TNN: variants seen among roughly 807,000 people sequenced by gnomAD.
The protein encoded by TNN is tenascin-N.
Under a neutral mutation model 134.4 loss-of-function variants are expected in TNN, and 122 were observed. That is an observed-to-expected ratio of 0.91 (90% CI 0.78 to 1.06). The LOEUF (loss-of-function observed/expected upper bound fraction) is 1.06. TNN is among the 50% of genes least tolerant of loss of function. The probability of loss-of-function intolerance (pLI) is 0.00; values close to 1 mark genes in which losing one functional copy is unlikely to be tolerated. For synonymous variants in TNN, 710 were observed against 670.3 expected, an observed-to-expected ratio of 1.06 and a Z score of -0.91; for missense variants, 1,739 against 1,699.4, an observed-to-expected ratio of 1.02 and a Z score of -0.41.
intron 15 of TNN, 112 bp downstream of exon 15, chr1:175,128,858 T>C (rs1309120421): frequency 1.2e-5 from 14 of 1,195,388 alleles, no homozygotes; most frequent in African/African-American, 7.9e-5. Flanking sequence ...TCTCCACCCA[T>C]GGAAGAGAGG....
chr1:175,114,064 T>A (rs1233886626), intron 9 of TNN, among the ~76,000 whole-genome samples: 2 of 152,240 alleles, frequency 1.3e-5, no homozygotes, highest in African/African-American at 4.8e-5. Flanking sequence ...TTCTTTTTAA[T>A]TGGGGTCTGT....
In TNN at chr1:175,067,904, A is replaced by G. The variant is rs771003018; in HGVS notation, c.-67A>G. ...GAGGAGACCGGCTCACAGGAGCAGC[A>G]GCATTGGAAGAGGCACCCAGCAGCC... is the stretch of plus-strand genomic sequence containing the variant. On this transcript the variant is annotated 5_prime_UTR_variant, in exon 1 of 19. Transcript: ENST00000239462. 2.0e-6 allele frequency: 1 copy of G among 493,910 alleles called. No homozygotes were observed. The highest frequency in any genetic ancestry group is 4.0e-6 in the Non-Finnish European group (1 of 248,050). The allele number at this position is 493,910 out of a possible 1,614,324, so 30.6% of individuals were successfully genotyped here.
At chr1:175,082,359 G>A (rs1388173928) in intron 4 of TNN, among the ~76,000 whole-genome samples, 2 of 152,264 alleles carry the variant, frequency 1.3e-5, no homozygotes, top group East Asian at 3.9e-4. Context: ...CTCCTCAGGG[G>A]AGCCTAAGAC....
chr1:175,083,602 GAC>G (rs1674251106), intron 4 of TNN, 146 bp from the exon 5 acceptor site: 1 of 666,732 alleles, frequency 1.5e-6, no homozygotes, highest in African/African-American at 1.8e-5. Context: ...GTAGCTCAAA[GAC>G]ACCTGCTAAG....
At position 175,079,590 on chromosome 1, in the gene TNN, T is replaced by G; in HGVS notation, c.667T>G (p.Phe223Val). 6.3e-7 allele frequency: 1 copy of G among 1,593,056 alleles called. No individual in the cohort carries two copies. Among genetic ancestry groups the G allele is most frequent in the Non-Finnish European group, 8.5e-7 (1 of 1,171,270 alleles). Residue 223 changes from phenylalanine to valine, a missense_variant, in exon 3 of 19, where the codon TTC becomes GTC. Physicochemically the swap from Phe to Val is conservative, Grantham distance 50 (BLOSUM62 -1). Coordinates refer to ENST00000239462, the MANE Select transcript of TNN (RefSeq NM_022093.2). Reference protein sequence around the residue: ...VRGVCQCHEDFMSEDCSEKRC... With the variant: ...VRGVCQCHEDVMSEDCSEKRC... ...CGGCGTGTGCCAGTGCCACGAAGAC[T>G]TCATGTCGGAGGACTGCAGCGAGAA...
At chr1:175,135,453 A>G (rs568049048) in intron 15 of TNN, among the ~76,000 whole-genome samples, 3 of 152,368 alleles carry the variant, frequency 2.0e-5, no homozygotes, top group South Asian at 2.1e-4. Context: ...AAAAGGGGAA[A>G]AAAGATGCCA....
chr1:175,141,128 A>AT (rs1234305701), intron 17 of TNN, among the ~76,000 whole-genome samples: 2 of 152,262 alleles, frequency 1.3e-5, no homozygotes, highest in East Asian at 3.9e-4. Flanking sequence ...CAGAAAGTCC[A>AT]TTTTCCCTTC....
At chr1:175,115,018 G>A (rs1347703896) in intron 9 of TNN, among the ~76,000 whole-genome samples, 2 of 152,090 alleles carry the variant, frequency 1.3e-5, no homozygotes, top group Admixed American at 1.3e-4. Flanking sequence ...TACTCCCTGG[G>A]AGAAGAGTGT....
At chr1:175,101,026 T>C (rs563402259) in intron 9 of TNN, among the ~76,000 whole-genome samples, 33 of 152,358 alleles carry the variant, frequency 2.2e-4, no homozygotes, top group African/African-American at 7.9e-4. Flanking sequence ...AAATCTTCTC[T>C]TCTAGCTATT....
rs771736229 is a variant in TNN, at chr1:175,067,894, C to T, written c.-77C>T. 49 of 497,338 alleles carry T rather than the reference C, an allele frequency of 9.9e-5. No individual in the cohort carries two copies. The highest frequency in any genetic ancestry group is 1.8e-4 in the Non-Finnish European group (45 of 249,796). 30.8% of individuals were successfully genotyped at this position (497,338 alleles called of 1,614,324 possible). A position where few individuals can be genotyped will look rare whatever the true frequency, so the allele number is the denominator to read the frequency against. ...TCTGCGGCAGGAGGAGACCGGCTCACAGGAGCAGCAGCATTGGAAGAGGCA... is the reference window on the plus strand; with the variant it reads ...TCTGCGGCAGGAGGAGACCGGCTCATAGGAGCAGCAGCATTGGAAGAGGCA... On this transcript the variant is annotated 5_prime_UTR_variant, in exon 1 of 19. Transcript: ENST00000239462.
chr1:175,144,273 A>G (rs1676007686), intron 17 of TNN, 114 bp from the exon 18 acceptor site: 1 of 965,504 alleles, frequency 1.0e-6, no homozygotes, highest in African/African-American at 1.6e-5. Context: ...CTGTGACATG[A>G]CTGGCTGCAT....
At chr1:175,116,123 C>A (rs1675159453) in intron 9 of TNN, among the ~76,000 whole-genome samples, 1 of 152,070 alleles carries the variant, frequency 6.6e-6, no homozygotes, top group Non-Finnish European at 1.5e-5. Context: ...TTCTAACTGG[C>A]CATCTTGCTG....
At position 175,117,071 on chromosome 1, in the gene TNN, G is replaced by C. The variant is rs1675203256; in HGVS notation, c.2252G>C (p.Arg751Thr). Residue 751 changes from arginine (R) to threonine (T), a missense_variant, in exon 10 of 19, where the codon AGG (arginine) becomes ACG (threonine). Coordinates refer to ENST00000239462, the MANE Select transcript of TNN (RefSeq NM_022093.2). ...ACCTCTGCCAAGGACGGAGAGACCA[G>C]GGAGGTTCCGGTGGGGAAGGAGCAG... is the stretch of plus-strand genomic sequence containing the variant. ...RYTSAKDGET[R>T]EVPVGKEQSS... The C allele has an allele frequency of 6.2e-7, 1 of 1,614,140 alleles. No individual in the cohort carries two copies. Among genetic ancestry groups the C allele is most frequent in the Non-Finnish European group, 8.5e-7 (1 of 1,180,054 alleles).
chr1:175,104,248 G>A (rs1674798206), intron 9 of TNN, among the ~76,000 whole-genome samples: 1 of 145,540 alleles, frequency 6.9e-6, no homozygotes, highest in African/African-American at 2.5e-5. Flanking sequence ...CAGTATCCAG[G>A]AGGAAGTCAA....
intron 4 of TNN, among the ~76,000 whole-genome samples, chr1:175,082,285 A>C (rs1216775048): frequency 6.6e-6 from 1 of 152,206 alleles, no homozygotes; most frequent in African/African-American, 2.4e-5. Flanking sequence ...GATTTGTAAA[A>C]TTCTGCAAGT....
intron 2 of TNN, among the ~76,000 whole-genome samples, chr1:175,078,235 T>C (rs961349942): frequency 9.2e-5 from 14 of 152,166 alleles, no homozygotes; most frequent in African/African-American, 3.4e-4. Flanking sequence ...TGACTTTGGG[T>C]AAATCCCTTA....
chr1:175,112,598 CTTTTTTTTTTTTTTTTTTTTTTT>C (rs767531767), intron 9 of TNN, among the ~76,000 whole-genome samples: 45 of 21,990 alleles, frequency 2.0e-3, no homozygotes, highest in African/African-American at 3.2e-3. Context: ...GCCGGCCGAT[CTTTTTTTTTTTTTTTTTTTTTTT>C]TTTTTTTTTT....
rs59814606 is a variant in TNN at position 175,124,687 on chromosome 1, G to GCAAA, written c.2914+1050_2914+1053dup. On this transcript the variant is annotated intron_variant, in intron 12 of 18. Coordinates refer to ENST00000239462, the MANE Select transcript of TNN (RefSeq NM_022093.2). ...CAAAGAGCGAGACTCCATCTCAAAA[G>GCAAA]CAAACAAACAAACAAACAAACAAAC... 1.1e-3 allele frequency among the ~76,000 whole-genome samples: 173 copies of GCAAA among 150,996 alleles called. 1 individual carries two copies. The highest frequency in any genetic ancestry group is 6.9e-3 in the Middle Eastern group (2 of 290).
At chr1:175,098,656 T>G in intron 9 of TNN, 61 bp downstream of exon 9, 1 of 1,606,260 alleles carries the variant, frequency 6.2e-7, no homozygotes, top group Non-Finnish European at 8.5e-7. Context: ...ACATGGGGTT[T>G]TCTTCTCTGA....
Sources: gnomAD v4.1 joint callset for allele counts (sites outside exome capture counted in the v4.1 genomes callset) on GRCh38, gnomAD v4.1.1 for gene constraint, MANE v1.5 for transcripts, NCBI Gene and HGNC (gene_info 2026-07-23, HGNC 2026-07-21) for gene names.